The following ACTL6A variants were observed in gnomAD, a reference collection of about 807,000 sequenced individuals.
ACTL6A encodes actin like 6A.
A neutral mutation model predicts 59.2 loss-of-function variants in ACTL6A; 5 were observed. That is an observed-to-expected ratio of 0.08 (90% confidence interval 0.04 to 0.18). ACTL6A has a LOEUF of 0.18. ACTL6A is among the 10% of genes least tolerant of loss of function. The pLI is 1.00. For synonymous variants in ACTL6A, 154 were observed against 171.8 expected (o/e 0.90, Z 0.81); for missense variants, 285 against 526.9 (o/e 0.54, Z 4.49).
intron 1 of ACTL6A, among the ~76,000 whole-genome samples, chr3:179,567,054 A>T (rs1717858271): frequency 6.6e-6 from 1 of 152,136 alleles, no homozygotes; most frequent in Admixed American, 6.6e-5. Context: ...TTTCATTTTA[A>T]CTTAATTACT....
rs760441154 is a variant in ACTL6A, at chr3:179,570,131, T to C, written c.167T>C (p.Ile56Thr). The C allele has an allele frequency of 7.4e-6, 12 of 1,614,036 alleles. No homozygotes were observed. Among genetic ancestry groups the C allele is most frequent in the South Asian group, 3.3e-5 (3 of 91,078 alleles). The change falls in exon 3 of 14, where the codon ATA (isoleucine) becomes ACA (threonine). Residue 56 changes from isoleucine to threonine, a missense_variant. Coordinates refer to ENST00000429709, the MANE Select transcript of ACTL6A (RefSeq NM_004301.5). The surrounding 1 kb of genome is among the most constrained non-coding windows in gnomAD (Gnocchi z 4.3). ...ERDDGSTLMEIDGDKGKQGGP... is the reference protein window; with the variant it reads ...ERDDGSTLMETDGDKGKQGGP... ...GATGACGGAAGCACATTAATGGAAA[T>C]AGATGGCGATAAAGGCAAACAAGGC...
chr3:179,570,157 G>T lies in ACTL6A; in HGVS notation c.193G>T (p.Gly65Cys), dbSNP rs142727005. ...AGATGGCGATAAAGGCAAACAAGGC[G>T]GTCCCACCTACTACATAGATACTAA... ...EIDGDKGKQGGPTYYIDTNAL... is the reference protein window; with the variant it reads ...EIDGDKGKQGCPTYYIDTNAL... Residue 65 changes from glycine to cysteine, a missense_variant, in exon 3 of 14, where the codon GGT becomes TGT. Gly to Cys is a radical substitution (Grantham distance 159). Coordinates refer to ENST00000429709, the MANE Select transcript of ACTL6A (RefSeq NM_004301.5). The surrounding 1 kb of genome is among the most constrained non-coding windows in gnomAD (Gnocchi z 4.3). 1 of 1,614,040 alleles carries T rather than the reference G, an allele frequency of 6.2e-7. No individual in the cohort carries two copies. The highest frequency in any genetic ancestry group is 1.1e-5 in the South Asian group (1 of 91,084).
intron 4 of ACTL6A, 38 bp downstream of exon 4, chr3:179,573,507 G>GTTTTTT: frequency 1.0e-6 from 1 of 962,812 alleles, no homozygotes; most frequent in Non-Finnish European, 1.4e-6. Context: ...TTCTCTAGTT[G>GTTTTTT]TTTTTTTTTT....
intron 8 of ACTL6A, among the ~76,000 whole-genome samples, chr3:179,577,465 C>T (rs1470685222): frequency 2.6e-5 from 4 of 151,712 alleles, no homozygotes; most frequent in East Asian, 3.9e-4. Flanking sequence ...GCCACAGATA[C>T]GCCTTAATTT....
chr3:179,587,814 C>A, intron 13 of ACTL6A, 116 bp from the exon 14 acceptor site: 2 of 719,566 alleles, frequency 2.8e-6, no homozygotes, highest in Non-Finnish European at 4.5e-6. Flanking sequence ...ACAATCACGC[C>A]ATTGCACTCC....
intron 8 of ACTL6A, among the ~76,000 whole-genome samples, chr3:179,577,805 A>G (rs537533951): frequency 1.4e-5 from 2 of 148,020 alleles, no homozygotes; most frequent in South Asian, 4.2e-4. Flanking sequence ...TTCAAAGGAC[A>G]TGATCTCATT....
intron 1 of ACTL6A, among the ~76,000 whole-genome samples, chr3:179,567,472 C>G (rs4284980): frequency 0.09 from 13,622 of 152,114 alleles, 650 homozygotes; most frequent in South Asian, 0.17. Flanking sequence ...AATTTTAGGG[C>G]GACACAATTC....
At chr3:179,582,159 A>ATT (rs565582842) in intron 11 of ACTL6A, among the ~76,000 whole-genome samples, 2 of 152,288 alleles carry the variant, frequency 1.3e-5, no homozygotes, top group African/African-American at 4.8e-5. Context: ...TAAGTTTGGG[A>ATT]TTTTTTTAGC....
chr3:179,569,310 A>G (rs778952141), intron 1 of ACTL6A, among the ~76,000 whole-genome samples: 21 of 152,182 alleles, frequency 1.4e-4, no homozygotes, highest in Admixed American at 6.5e-4. Flanking sequence ...CAATGGATCC[A>G]TTATTATTAG....
intron 9 of ACTL6A, 55 bp from the exon 10 acceptor site, chr3:179,580,838 AT>A: frequency 6.7e-7 from 1 of 1,494,288 alleles, no homozygotes; most frequent in Non-Finnish European, 9.1e-7. Context: ...GTAGTTTATA[AT>A]TTTGAAGAGA....
At chr3:179,574,674 C>T (rs1299062891) in intron 5 of ACTL6A, 1 of 457,806 alleles carries the variant, frequency 2.2e-6, no homozygotes, top group Admixed American at 3.8e-5. Flanking sequence ...AAATAACACT[C>T]AAATTCTGAG....
intron 8 of ACTL6A, among the ~76,000 whole-genome samples, chr3:179,577,422 C>T (rs965036619): frequency 1.3e-5 from 2 of 151,830 alleles, no homozygotes; most frequent in African/African-American, 4.8e-5. Flanking sequence ...ATATGGCTTA[C>T]TGATGGGGAA....
At chr3:179,583,589 T>C (rs1247338220) in intron 12 of ACTL6A, 141 bp downstream of exon 12, 4 of 583,084 alleles carry the variant, frequency 6.9e-6, no homozygotes, top group Non-Finnish European at 1.2e-5. Context: ...AAAGTTAATA[T>C]CCTTTAATCG....
At chr3:179,572,998 T>TTTA (rs1553777440) in intron 3 of ACTL6A, among the ~76,000 whole-genome samples, 1 of 151,458 alleles carries the variant, frequency 6.6e-6, no homozygotes, top group Non-Finnish European at 1.5e-5. Context: ...TTTTTTTTTT[T>TTTA]ATAAATCCAG....
intron 8 of ACTL6A, 74 bp downstream of exon 8, chr3:179,576,987 G>A: frequency 8.4e-7 from 1 of 1,187,876 alleles, no homozygotes; most frequent in Non-Finnish European, 1.2e-6. Context: ...TTATATATAG[G>A]CTGTAAATCC....
At chr3:179,565,565 G>A (rs1044095240) in intron 1 of ACTL6A, among the ~76,000 whole-genome samples, 11 of 148,304 alleles carry the variant, frequency 7.4e-5, no homozygotes, top group African/African-American at 2.7e-4. Context: ...TCCGTGTGGT[G>A]GAGTCAAGGG....
Position 179,588,273 on chromosome 3 carries a change from T to C in ACTL6A, c.*263T>C. ...AAATATTTTGCTTTCAGTAAAATGC[T>C]TTCCAACTCTGTTTAGTGTATTAAT... On this transcript the variant is annotated 3_prime_UTR_variant, in exon 14 of 14. Transcript: ENST00000429709. 1 of 326,838 alleles carries C rather than the reference T, an allele frequency of 3.1e-6. No individual in the cohort carries two copies. Among genetic ancestry groups the C allele is most frequent in the Non-Finnish European group, 5.4e-6 (1 of 183,510 alleles). 20.2% of individuals were successfully genotyped at this position (326,838 alleles called of 1,614,324 possible).
At chr3:179,586,908 T>C (rs893386842) in intron 13 of ACTL6A, among the ~76,000 whole-genome samples, 1 of 152,158 alleles carries the variant, frequency 6.6e-6, no homozygotes, top group Non-Finnish European at 1.5e-5. Context: ...ATACCCCCAT[T>C]GGCACTGGTC....
Position 179,586,466 on chromosome 3 carries a change from TGAAAAAAAAAA to T in ACTL6A, c.1123-79_1123-69del, listed in dbSNP as rs961506777. On this transcript the variant is annotated intron_variant, in intron 12 of 13. Transcript: ENST00000429709. ...TGGCGAGGAAGACCCTGTCTCTATTTGAAAAAAAAAAAAAAAAAAAGAATTTTCTAAGTTGA... is the reference window on the plus strand; with the variant it reads ...TGGCGAGGAAGACCCTGTCTCTATTTAAAAAAAAAGAATTTTCTAAGTTGA... The T allele has an allele frequency of 4.4e-6, 3 of 678,720 alleles. No homozygotes were observed. The South Asian group carries it at 7.7e-5, about 17-fold the overall frequency. 42.0% of individuals were successfully genotyped at this position (678,720 alleles called of 1,614,324 possible).
Sources: gnomAD v4.1 joint callset for allele counts (sites outside exome capture counted in the v4.1 genomes callset) on GRCh38, gnomAD v4.1.1 for gene constraint, Gnocchi (gnomAD v3.1) non-coding constraint, MANE v1.5 for transcripts, NCBI Gene and HGNC (gene_info 2026-07-23, HGNC 2026-07-21) for gene names.